The following PRKCE variants were observed in gnomAD, a reference collection of about 807,000 sequenced individuals.
The protein encoded by PRKCE is protein kinase C epsilon type.
A neutral mutation model predicts 85.4 loss-of-function variants in PRKCE; 16 were observed. The observed-to-expected ratio is 0.19, with a 90% confidence interval of 0.13 to 0.28. The LOEUF (loss-of-function observed/expected upper bound fraction) is 0.28. PRKCE is among the 10% of genes least tolerant of loss of function. The pLI is 1.00. For missense variants in PRKCE, 573 were observed against 975.2 expected, an observed-to-expected ratio of 0.59 and a Z score of 5.49; for synonymous variants, 388 against 371.5, an observed-to-expected ratio of 1.04 and a Z score of -0.51.
intron 2 of PRKCE, among the ~76,000 whole-genome samples, chr2:45,865,667 A>T (rs1693533340): frequency 6.6e-6 from 1 of 152,138 alleles, no homozygotes; most frequent in Non-Finnish European, 1.5e-5. Flanking sequence ...CCTTTCCAAC[A>T]TGTGAGGCTG....
intron 2 of PRKCE, among the ~76,000 whole-genome samples, chr2:45,962,065 C>T (rs545272914): frequency 6.6e-6 from 1 of 152,228 alleles, no homozygotes; most frequent in Admixed American, 6.5e-5. Context: ...CCAGGTACTG[C>T]TTAAACCAAA....
At position 45,744,500 on chromosome 2, in the gene PRKCE, T is replaced by C. The variant is rs1357913380; in HGVS notation, c.348+92052T>C. Among the ~76,000 whole-genome samples, 259 of 84,666 alleles carry C rather than the reference T, an allele frequency of 3.1e-3. 1 individual carries two copies. The highest frequency in any genetic ancestry group is 0.012 in the African/African-American group (214 of 17,424). The allele number at this position is 84,666 out of a possible 152,430, so 55.5% of individuals were successfully genotyped here. ...TTCTTTCTTTCTTTTTCTTTCTTTC[T>C]TTTCTTTCTTTCTTTCTTTCTTTCT... On this transcript the variant is annotated intron_variant, in intron 1 of 14. Transcript: ENST00000306156.
Position 46,079,202 on chromosome 2 carries a change from G to A in PRKCE, c.1438-7006G>A, listed in dbSNP as rs1668832914. On this transcript the variant is annotated intron_variant, in intron 10 of 14. Coordinates refer to ENST00000306156, the MANE Select transcript of PRKCE (RefSeq NM_005400.3). ...AAAAAAAAAAAAAAAAGAAAATATA[G>A]GACTTTCCATAGGACTGTTTTGTGT... 2.7e-5 allele frequency among the ~76,000 whole-genome samples: 4 copies of A among 149,766 alleles called. No individual in the cohort carries two copies. The South Asian group carries it at 8.5e-4, about 32-fold the overall frequency.
At chr2:46,111,946 G>C (rs777338088) in intron 11 of PRKCE, among the ~76,000 whole-genome samples, 4 of 152,174 alleles carry the variant, frequency 2.6e-5, no homozygotes, top group Non-Finnish European at 5.9e-5. Flanking sequence ...GAAGGCTCTA[G>C]TTTCTCCAAA....
chr2:45,678,070 T>C (rs555778677), intron 1 of PRKCE, among the ~76,000 whole-genome samples: 1 of 152,342 alleles, frequency 6.6e-6, no homozygotes, highest in African/African-American at 2.4e-5. Context: ...TGTGGTCACA[T>C]GGGAATTTAT....
chr2:45,740,126 G>A (rs1375721908), intron 1 of PRKCE, among the ~76,000 whole-genome samples: 1 of 142,828 alleles, frequency 7.0e-6, no homozygotes, highest in Non-Finnish European at 1.5e-5. Flanking sequence ...AGACCAGCCT[G>A]GGCAACATGA....
At chr2:45,937,521 G>T (rs1699552541) in intron 2 of PRKCE, among the ~76,000 whole-genome samples, 1 of 152,154 alleles carries the variant, frequency 6.6e-6, no homozygotes, top group Admixed American at 6.5e-5. Context: ...GACCATCCTG[G>T]CTAATACGGT....
At chr2:45,690,596 A>G (rs1041871696) in intron 1 of PRKCE, among the ~76,000 whole-genome samples, 1 of 152,254 alleles carries the variant, frequency 6.6e-6, no homozygotes, top group African/African-American at 2.4e-5. Context: ...AAAGCAATAT[A>G]TACATGTAAG....
chr2:45,764,842 A>G (rs1415566288), intron 1 of PRKCE, among the ~76,000 whole-genome samples: 1 of 152,226 alleles, frequency 6.6e-6, no homozygotes, highest in South Asian at 2.1e-4. Flanking sequence ...TAAAATCAAC[A>G]TATATTAAAA....
chr2:45,761,571 C>G (rs1000575443), intron 1 of PRKCE, among the ~76,000 whole-genome samples: 8 of 152,128 alleles, frequency 5.3e-5, no homozygotes, highest in African/African-American at 1.7e-4. Flanking sequence ...AGCCCCCAGC[C>G]TGAGGAAGAT....
At chr2:45,661,219 G>A (rs1675622235) in intron 1 of PRKCE, among the ~76,000 whole-genome samples, 1 of 152,172 alleles carries the variant, frequency 6.6e-6, no homozygotes, top group Non-Finnish European at 1.5e-5. Flanking sequence ...GTCTTGCTCT[G>A]TTGCCCAGGC....
intron 1 of PRKCE, among the ~76,000 whole-genome samples, chr2:45,784,079 G>A (rs907616083): frequency 4.6e-5 from 7 of 152,256 alleles, no homozygotes; most frequent in African/African-American, 1.7e-4. Context: ...CTGTGCTGGC[G>A]CTCAAGGACC....
chr2:45,733,815 T>C (rs933083859), intron 1 of PRKCE, among the ~76,000 whole-genome samples: 12 of 152,210 alleles, frequency 7.9e-5, no homozygotes, highest in African/African-American at 9.6e-5. Context: ...GTGACCTCGG[T>C]GGGCTCTTTC....
intron 1 of PRKCE, among the ~76,000 whole-genome samples, chr2:45,680,618 T>A (rs894590504): frequency 6.6e-6 from 1 of 152,172 alleles, no homozygotes; most frequent in East Asian, 1.9e-4. Context: ...AGGCTAAAAC[T>A]CACAGACTCT....
rs145051334 is a variant in PRKCE at position 46,130,715 on chromosome 2, C to T, written c.1593-14378C>T. ...CCTCATTGCTCTGTTTCCACTTGGTCTGGCTCATTTGCTGGCCAGCTAACC... is the reference window on the plus strand; with the variant it reads ...CCTCATTGCTCTGTTTCCACTTGGTTTGGCTCATTTGCTGGCCAGCTAACC... On this transcript the variant is annotated intron_variant, in intron 11 of 14. Transcript: ENST00000306156. Among the ~76,000 whole-genome samples, 11 of 152,348 alleles carry T rather than the reference C, an allele frequency of 7.2e-5. No homozygotes were observed. The South Asian group carries it at 8.3e-4, about 11-fold the overall frequency.
chr2:46,010,766 C>G (rs756787103), intron 10 of PRKCE: 156 of 1,597,332 alleles, frequency 9.8e-5, no homozygotes, highest in Non-Finnish European at 1.3e-4. Flanking sequence ...TTGGACAAAG[C>G]CAAATGGCTA....
rs571245620 is a variant in PRKCE, at chr2:45,809,866, G to A, written c.349-33134G>A. 1.3e-3 allele frequency among the ~76,000 whole-genome samples: 196 copies of A among 149,868 alleles called. 4 individuals carry two copies. In the South Asian group the frequency reaches 0.039, roughly 30 times the overall value. On this transcript the variant is annotated intron_variant, in intron 1 of 14. Transcript: ENST00000306156. The stretch of plus-strand genomic sequence containing the variant: ...TTGCACTCCAGCCTGGGCAACAAGA[G>A]TGAGACTCCATCTCAAAAAAAAAAA...
At chr2:45,735,766 G>A (rs1426543264) in intron 1 of PRKCE, among the ~76,000 whole-genome samples, 2 of 152,184 alleles carry the variant, frequency 1.3e-5, no homozygotes, top group Non-Finnish European at 2.9e-5. Flanking sequence ...AAGGCAAGCC[G>A]GATCCTTATT....
At chr2:45,862,183 T>TACACAC (rs6146747) in intron 2 of PRKCE, among the ~76,000 whole-genome samples, 2,361 of 143,970 alleles carry the variant, frequency 0.016, 29 homozygotes, top group African/African-American at 0.028. Flanking sequence ...TCTTCTTGTA[T>TACACAC]ACACACACAC....
Sources: gnomAD v4.1 joint callset for allele counts (sites outside exome capture counted in the v4.1 genomes callset) on GRCh38, gnomAD v4.1.1 for gene constraint, MANE v1.5 for transcripts, NCBI Gene and HGNC (gene_info 2026-07-23, HGNC 2026-07-21) for gene names.